RIPK2: variants seen among roughly 807,000 people sequenced by gnomAD.
RIPK2 encodes the protein receptor interacting serine/threonine kinase 2, also known as receptor-interacting serine/threonine-protein kinase 2.
In RIPK2, 38 loss-of-function variants were observed where a neutral mutation model predicts 60.9. That is an observed-to-expected ratio of 0.62 (90% CI 0.48 to 0.82). The LOEUF (loss-of-function observed/expected upper bound fraction) is 0.82. RIPK2 is among the 40% of genes least tolerant of loss of function. The pLI, the probability that RIPK2 is intolerant of heterozygous loss-of-function variation, is 0.00. For missense variants in RIPK2, 518 were observed against 647.0 expected (o/e 0.80, Z 2.16); for synonymous variants, 225 against 223.4 (o/e 1.01, Z -0.06).
chr8:89,769,783 T>G lies in RIPK2; in HGVS notation c.495T>G (p.Phe165Leu). Residue 165 changes from phenylalanine (F) to leucine (L), a missense_variant, in exon 4 of 11, where the codon TTT becomes TTG. This residue lies in a region of RIPK2 where 448 missense variants were observed against 534.7 expected (regional missense o/e 0.84). Coordinates refer to ENST00000220751, the MANE Select transcript of RIPK2 (RefSeq NM_003821.6). ...DNEFHVKIAD[F>L]GLSKWRMMSL... Reference sequence around the variant, plus strand: ...CTTGTCCCTTACAGATTGCAGATTTTGGTTTATCAAAGTGGCGCATGATGT... The same window carrying G: ...CTTGTCCCTTACAGATTGCAGATTTGGGTTTATCAAAGTGGCGCATGATGT... 3 of 1,596,546 alleles carry G rather than the reference T, an allele frequency of 1.9e-6. No homozygotes were observed. The highest frequency in any genetic ancestry group is 2.6e-6 in the Non-Finnish European group (3 of 1,173,364).
chr8:89,759,995 G>C (rs7010806), intron 1 of RIPK2, among the ~76,000 whole-genome samples: 8,821 of 152,142 alleles, frequency 0.058, 779 homozygotes, highest in African/African-American at 0.19. Flanking sequence ...TTCTGTCTTC[G>C]AGGAAGCCAT....
At chr8:89,773,463 G>A (rs1001785737) in intron 6 of RIPK2, among the ~76,000 whole-genome samples, 5 of 152,162 alleles carry the variant, frequency 3.3e-5, no homozygotes, top group Non-Finnish European at 7.3e-5. Flanking sequence ...AATACAGTGA[G>A]CAAGGAAAGG....
In RIPK2 at chr8:89,771,751, A is replaced by C; in HGVS notation, c.652A>C (p.Ile218Leu). ...TCTTATGTTAAACAGCTATGCAGTT[A>C]TCACATGGGAAGTGTTATCCAGAAA... is the stretch of plus-strand genomic sequence containing the variant. The part of the protein sequence containing the change: ...IKHDIYSYAV[I>L]TWEVLSRKQP... Residue 218 changes from isoleucine (I) to leucine (L), a missense_variant, in exon 5 of 11, where the codon ATC becomes CTC. Around this residue, in one of 3 missense-constraint regions of RIPK2, gnomAD observed 448 missense variants for 534.7 expected, o/e 0.84. Coordinates refer to ENST00000220751, the MANE Select transcript of RIPK2 (RefSeq NM_003821.6). 1.2e-6 allele frequency: 2 copies of C among 1,604,920 alleles called. No homozygotes were observed. The highest frequency in any genetic ancestry group is 1.7e-6 in the Non-Finnish European group (2 of 1,173,896).
At chr8:89,775,962 G>C (rs1459615879) in intron 6 of RIPK2, among the ~76,000 whole-genome samples, 1 of 152,180 alleles carries the variant, frequency 6.6e-6, no homozygotes, top group Admixed American at 6.5e-5. Context: ...TTTCATTACT[G>C]ATAAAGCTAA....
intron 4 of RIPK2, among the ~76,000 whole-genome samples, chr8:89,770,616 TC>T (rs1809297057): frequency 6.6e-6 from 1 of 151,846 alleles, no homozygotes; most frequent in Non-Finnish European, 1.5e-5. Context: ...AAGCAGACTC[TC>T]TAAGTTTGCT....
intron 3 of RIPK2, among the ~76,000 whole-genome samples, chr8:89,767,186 T>C (rs1459083695): frequency 6.6e-6 from 1 of 151,752 alleles, no homozygotes; most frequent in Non-Finnish European, 1.5e-5. Flanking sequence ...ATGCAGGACT[T>C]AAGTGCTGAA....
intron 1 of RIPK2, chr8:89,759,375 A>G (rs1232395877): frequency 2.2e-6 from 1 of 456,302 alleles, no homozygotes; most frequent in Non-Finnish European, 4.4e-6. Flanking sequence ...CCATGATTAC[A>G]ACATTCTCTT....
At chr8:89,790,044 A>G in intron 10 of RIPK2, 35 bp from the exon 11 acceptor site, 1 of 1,478,342 alleles carries the variant, frequency 6.8e-7, no homozygotes, top group Non-Finnish European at 9.3e-7. Flanking sequence ...ATCTGTCCTC[A>G]CCTTTTAAAT....
chr8:89,758,034 C>G lies in RIPK2; in HGVS notation c.-27C>G, dbSNP rs751391348. The G allele has an allele frequency of 3.2e-6, 5 of 1,545,660 alleles. No homozygotes were observed. Among genetic ancestry groups the G allele is most frequent in the Non-Finnish European group, 4.4e-6 (5 of 1,143,506 alleles). On this transcript the variant is annotated 5_prime_UTR_variant, in exon 1 of 11. Transcript: ENST00000220751. The stretch of plus-strand genomic sequence containing the variant: ...GGAGCCGCCGCAGCAGGGGGCACAC[C>G]CGGAACCGGCCTGAGCGCCCGGGAC...
chr8:89,765,474 T>C lies in RIPK2; in HGVS notation c.461T>C (p.Leu154Ser). The C allele has an allele frequency of 3.8e-6, 6 of 1,586,982 alleles. No individual in the cohort carries two copies. Among genetic ancestry groups the C allele is most frequent in the Non-Finnish European group, 5.2e-6 (6 of 1,157,530 alleles). The change falls in exon 3 of 11, where the codon TTG (leucine) becomes TCG (serine). Residue 154 changes from leucine (L) to serine (S), a missense_variant. Coordinates refer to ENST00000220751, the MANE Select transcript of RIPK2 (RefSeq NM_003821.6). ...GACTTGAAGACTCAGAATATCTTATTGGACAATGAATTTCATGTTAAGGTA... is the reference window on the plus strand; with the variant it reads ...GACTTGAAGACTCAGAATATCTTATCGGACAATGAATTTCATGTTAAGGTA... Reference protein sequence around the residue: ...HHDLKTQNILLDNEFHVKIAD... With the variant: ...HHDLKTQNILSDNEFHVKIAD...
At chr8:89,760,289 A>C (rs980526208) in intron 1 of RIPK2, among the ~76,000 whole-genome samples, 2 of 152,196 alleles carry the variant, frequency 1.3e-5, no homozygotes, top group Non-Finnish European at 2.9e-5. Flanking sequence ...ATCAGTCTCC[A>C]TAACCTGACT....
At chr8:89,789,146 C>T (rs2130592599) in intron 9 of RIPK2, among the ~76,000 whole-genome samples, 175 bp from the exon 10 acceptor site, 1 of 152,206 alleles carries the variant, frequency 6.6e-6, no homozygotes, top group South Asian at 2.1e-4. Context: ...CCATATAAAC[C>T]CTTTTTTGTT....
chr8:89,781,354 A>ATTTTTTTTTTTTCTTTTTTTT (rs1554598656), intron 7 of RIPK2, among the ~76,000 whole-genome samples: 19 of 144,040 alleles, frequency 1.3e-4, no homozygotes, highest in African/African-American at 4.7e-4. Context: ...AATAGATTGA[A>ATTTTTTTTTTTTCTTTTTTTT]TTTTTTTTTT....
intron 9 of RIPK2, among the ~76,000 whole-genome samples, chr8:89,787,834 G>A (rs886592849): frequency 6.6e-6 from 1 of 152,126 alleles, no homozygotes; most frequent in African/African-American, 2.4e-5. Flanking sequence ...GGGGAGATCA[G>A]TTAGGAGACT....
chr8:89,784,230 T>A, intron 8 of RIPK2, 91 bp downstream of exon 8: 1 of 770,548 alleles, frequency 1.3e-6, no homozygotes, highest in Non-Finnish European at 1.9e-6. Flanking sequence ...CCTTCTTTTA[T>A]AGAAGGAAAA....
intron 2 of RIPK2, among the ~76,000 whole-genome samples, chr8:89,764,426 G>A (rs536095602): frequency 2.6e-5 from 4 of 152,246 alleles, no homozygotes; most frequent in South Asian, 2.1e-4. Context: ...ATAAGCTGAC[G>A]CATTTGCAGA....
chr8:89,767,876 C>T (rs1193810834), intron 3 of RIPK2, among the ~76,000 whole-genome samples: 1 of 151,772 alleles, frequency 6.6e-6, no homozygotes. Flanking sequence ...ATCCATCTCC[C>T]TGATAAATAC....
chr8:89,769,994 T>C, intron 4 of RIPK2, 65 bp downstream of exon 4: 1 of 1,282,012 alleles, frequency 7.8e-7, no homozygotes, highest in South Asian at 1.6e-5. Flanking sequence ...TCAACCAGAA[T>C]TTTGAAGCTA....
rs1809211277 is a variant in RIPK2, at chr8:89,765,452, T to C, written c.439T>C (p.Leu147=). ...NMTPPLLHHD[L]KTQNILLDNE... Reference sequence around the variant, plus strand: ...GACTCCTCCTTTACTTCATCATGACTTGAAGACTCAGAATATCTTATTGGA... The same window carrying C: ...GACTCCTCCTTTACTTCATCATGACCTGAAGACTCAGAATATCTTATTGGA... The change falls in exon 3 of 11, where the codon TTG becomes CTG. Residue 147 remains leucine, a synonymous_variant. Coordinates refer to ENST00000220751, the MANE Select transcript of RIPK2 (RefSeq NM_003821.6). The C allele has an allele frequency of 1.9e-6, 3 of 1,597,808 alleles. No individual in the cohort carries two copies. Among genetic ancestry groups the C allele is most frequent in the African/African-American group, 2.7e-5 (2 of 74,592 alleles).
Sources: allele counts gnomAD v4.1 joint callset (sites outside exome capture counted in the v4.1 genomes callset), GRCh38; gene constraint gnomAD v4.1.1; regional missense constraint gnomAD v4.1.1; transcripts MANE v1.5; gene names NCBI Gene and HGNC (gene_info 2026-07-23, HGNC 2026-07-21).